Variants in ECHDC1 observed in about 807,000 individuals in gnomAD.
ECHDC1 encodes ethylmalonyl-CoA decarboxylase 1.
Under a neutral mutation model 29.7 loss-of-function variants are expected in ECHDC1, and 29 were observed. That is an observed-to-expected ratio of 0.98 (90% confidence interval 0.73 to 1.33). The LOEUF (loss-of-function observed/expected upper bound fraction) is 1.33. Among genes scored for constraint, ECHDC1 ranks in the 40% most tolerant of loss-of-function variants. The pLI, the probability that ECHDC1 is intolerant of heterozygous loss-of-function variation, is 0.00. For missense variants in ECHDC1, 328 were observed against 350.0 expected (o/e 0.94, Z 0.50); for synonymous variants, 126 against 123.1 (o/e 1.02, Z -0.15).
At chr6:127,311,440 G>A (rs1045328596) in intron 5 of ECHDC1, among the ~76,000 whole-genome samples, 1 of 151,898 alleles carries the variant, frequency 6.6e-6, no homozygotes, top group African/African-American at 2.4e-5. Flanking sequence ...TTGGGAGGCA[G>A]AGGCAGGCCC....
chr6:127,324,415 T>G (rs1273462683), intron 3 of ECHDC1, among the ~76,000 whole-genome samples: 1 of 152,196 alleles, frequency 6.6e-6, no homozygotes, highest in Non-Finnish European at 1.5e-5. Context: ...CTCATTTAGT[T>G]GAGTGGCAGG....
Position 127,331,031 on chromosome 6 carries a change from C to A in ECHDC1, c.-2-1G>T. The A allele has an allele frequency of 1.2e-6, 2 of 1,611,392 alleles. No homozygotes were observed. Among genetic ancestry groups the A allele is most frequent in the South Asian group, 2.2e-5 (2 of 91,062 alleles). ...GTCTTCAAAAGACTTTTCGCCATTT[C>A]TGGAAAACAGAAATAAGTATGCGGT... is the stretch of plus-strand genomic sequence containing the variant. On this transcript the variant is annotated splice_acceptor_variant, in intron 1 of 5. Coordinates refer to ENST00000454859, the MANE Select transcript of ECHDC1 (RefSeq NM_001002030.2). LOFTEE classifies it low-confidence loss of function (5UTR_SPLICE).
At chr6:127,340,962 T>A (rs911714092) in intron 1 of ECHDC1, among the ~76,000 whole-genome samples, 3 of 152,226 alleles carry the variant, frequency 2.0e-5, no homozygotes, top group African/African-American at 7.2e-5. Flanking sequence ...GCAATTAGTA[T>A]GAACGCCATC....
chr6:127,289,414 T>C lies in ECHDC1; in HGVS notation c.*455A>G, dbSNP rs921964145. The C allele has an allele frequency of 6.5e-6, 1 of 153,632 alleles. No individual in the cohort carries two copies. 9.5% of individuals were successfully genotyped at this position (153,632 alleles called of 1,614,324 possible). A position where few individuals can be genotyped will look rare whatever the true frequency, so the allele number is the denominator to read the frequency against. On this transcript the variant is annotated 3_prime_UTR_variant, in exon 6 of 6. Transcript: ENST00000454859. ...AGCTGTTTGGAGCAGAAGAAAATGA[T>C]TGATCATACCCTTTCTTGTTTTCTT...
chr6:127,325,514 C>T (rs528103608), intron 3 of ECHDC1, among the ~76,000 whole-genome samples: 22 of 152,158 alleles, frequency 1.4e-4, no homozygotes, highest in African/African-American at 4.8e-4. Context: ...GATAAGTATA[C>T]ACCCATTAAA....
At chr6:127,337,147 CT>C (rs1784498918) in intron 1 of ECHDC1, among the ~76,000 whole-genome samples, 1 of 152,160 alleles carries the variant, frequency 6.6e-6, no homozygotes, top group African/African-American at 2.4e-5. Flanking sequence ...TATTTAATTC[CT>C]AAATACATTT....
chr6:127,301,910 A>C (rs537180647), intron 5 of ECHDC1, among the ~76,000 whole-genome samples: 1 of 152,332 alleles, frequency 6.6e-6, no homozygotes, highest in African/African-American at 2.4e-5. Flanking sequence ...TGTGCCTAGC[A>C]CATGTGGGTG....
chr6:127,298,606 A>C (rs1780801934), intron 5 of ECHDC1, among the ~76,000 whole-genome samples: 7 of 152,140 alleles, frequency 4.6e-5, no homozygotes. Flanking sequence ...ACAGTCATGC[A>C]CTGAATAACA....
In ECHDC1 at chr6:127,308,921, G is replaced by A. The variant is rs891425846; in HGVS notation, c.497+5895C>T. On this transcript the variant is annotated intron_variant, in intron 5 of 5. Coordinates refer to ENST00000454859, the MANE Select transcript of ECHDC1 (RefSeq NM_001002030.2). ...CAAGGAAGTGAAACATGTCTATAAT[G>A]AAAACTATAAAACACCAATGAAAGA... 5.9e-5 allele frequency among the ~76,000 whole-genome samples: 9 copies of A among 152,130 alleles called. No individual in the cohort carries two copies. In the South Asian group the frequency reaches 1.2e-3, roughly 21 times the overall value.
chr6:127,337,619 C>T (rs964081157), intron 1 of ECHDC1, among the ~76,000 whole-genome samples: 1 of 152,188 alleles, frequency 6.6e-6, no homozygotes, highest in Admixed American at 6.5e-5. Flanking sequence ...GGCACATGTT[C>T]TCAGGACCTG....
chr6:127,289,621 G>T lies in ECHDC1; in HGVS notation c.*248C>A. ...TAAGCTAAGAATTATTATTGGAATT[G>T]ACAGCAATAATTTTTAAGCCAAAAG... On this transcript the variant is annotated 3_prime_UTR_variant, in exon 6 of 6. Coordinates refer to ENST00000454859, the MANE Select transcript of ECHDC1 (RefSeq NM_001002030.2). 1 of 394,778 alleles carries T rather than the reference G, an allele frequency of 2.5e-6. No homozygotes were observed. The highest frequency in any genetic ancestry group is 4.5e-6 in the Non-Finnish European group (1 of 221,948). The allele number at this position is 394,778 out of a possible 1,614,324, so 24.5% of individuals were successfully genotyped here. A position where few individuals can be genotyped will look rare whatever the true frequency, so the allele number is the denominator to read the frequency against.
chr6:127,293,676 A>G (rs188561968), intron 5 of ECHDC1, among the ~76,000 whole-genome samples: 148 of 152,330 alleles, frequency 9.7e-4, no homozygotes, highest in Non-Finnish European at 1.7e-3. Context: ...AAGAGAATAC[A>G]GTATTACCTA....
At chr6:127,291,583 G>A (rs1053203791) in intron 5 of ECHDC1, among the ~76,000 whole-genome samples, 3 of 152,104 alleles carry the variant, frequency 2.0e-5, no homozygotes, top group Non-Finnish European at 4.4e-5. Context: ...ACACGATTTA[G>A]CTTTACTAAA....
intron 1 of ECHDC1, among the ~76,000 whole-genome samples, chr6:127,340,779 T>C (rs1269516271): frequency 1.3e-5 from 2 of 152,052 alleles, no homozygotes; most frequent in African/African-American, 2.4e-5. Context: ...TAATCCTCTG[T>C]TTAGAGGAAG....
At chr6:127,328,561 G>A (rs1783577532) in intron 2 of ECHDC1, among the ~76,000 whole-genome samples, 1 of 152,140 alleles carries the variant, frequency 6.6e-6, no homozygotes, top group South Asian at 2.1e-4. Flanking sequence ...ACAAATGACT[G>A]CACTTAAAAC....
At chr6:127,298,665 A>G (rs1464202035) in intron 5 of ECHDC1, among the ~76,000 whole-genome samples, 1 of 152,204 alleles carries the variant, frequency 6.6e-6, no homozygotes, top group Non-Finnish European at 1.5e-5. Flanking sequence ...ATAAGATTAT[A>G]ATGGGGCTGA....
At chr6:127,339,205 C>T (rs1453644129) in intron 1 of ECHDC1, among the ~76,000 whole-genome samples, 5 of 151,020 alleles carry the variant, frequency 3.3e-5, no homozygotes, top group Non-Finnish European at 5.9e-5. Flanking sequence ...AGTCTGGCAG[C>T]TAAGCAAAGG....
intron 2 of ECHDC1, among the ~76,000 whole-genome samples, chr6:127,328,763 A>G (rs1220785410): frequency 6.6e-6 from 1 of 152,232 alleles, no homozygotes; most frequent in African/African-American, 2.4e-5. Context: ...GCAGTGGCTC[A>G]CGCCTGTAAT....
In ECHDC1 at chr6:127,330,913, T is replaced by C. The variant is rs202056997; in HGVS notation, c.116A>G (p.Lys39Arg). 1 of 1,614,158 alleles carries C rather than the reference T, an allele frequency of 6.2e-7. No homozygotes were observed. The highest frequency in any genetic ancestry group is 1.3e-5 in the African/African-American group (1 of 75,056). Residue 39 changes from lysine (K) to arginine (R), a missense_variant, in exon 2 of 6, where the codon AAA (lysine) becomes AGA (arginine). Transcript: ENST00000454859. Reference protein sequence around the residue: ...SHGFYEEEVKKTLQQFPGGSI... With the variant: ...SHGFYEEEVKRTLQQFPGGSI... ...TCCACCAGGAAACTGCTGAAGTGTT[T>C]TTTTCACTTCTTCCTCATAAAATCC...
Sources: allele counts gnomAD v4.1 joint callset (sites outside exome capture counted in the v4.1 genomes callset), GRCh38; gene constraint gnomAD v4.1.1; transcripts MANE v1.5; gene names NCBI Gene and HGNC (gene_info 2026-07-23, HGNC 2026-07-21).